Variants in KCNK12 observed in about 807,000 individuals in gnomAD.
The protein encoded by KCNK12 is potassium two pore domain channel subfamily K member 12, also known as potassium channel subfamily K member 12.
A neutral mutation model predicts 25.3 loss-of-function variants in KCNK12; 6 were observed. That is an observed-to-expected ratio of 0.24 (90% CI 0.13 to 0.47). KCNK12 has a LOEUF of 0.47. KCNK12 is among the 20% of genes least tolerant of loss of function. The pLI, the probability that KCNK12 is intolerant of heterozygous loss-of-function variation, is 0.99. For missense variants in KCNK12, 444 were observed against 661.7 expected (o/e 0.67, Z 3.61); for synonymous variants, 331 against 311.1 (o/e 1.06, Z -0.67).
In KCNK12 at chr2:47,512,603, C is replaced by T; in HGVS notation, c.*8304G>A. 1.4e-6 allele frequency: 1 copy of T among 725,758 alleles called. No homozygotes were observed. The highest frequency in any genetic ancestry group is 2.8e-5 in the East Asian group (1 of 36,116). 45.0% of individuals were successfully genotyped at this position (725,758 alleles called of 1,614,324 possible). ...TTCCAGGACTTACAGTGAGAAAGCG[C>T]CTTCTGGGAACTTCACAATGGCTAA... On this transcript the variant is annotated 3_prime_UTR_variant, in exon 2 of 2. Coordinates refer to ENST00000327876, the MANE Select transcript of KCNK12 (RefSeq NM_022055.2).
intron 1 of KCNK12, among the ~76,000 whole-genome samples, chr2:47,537,689 G>A (rs1010885363): frequency 1.3e-5 from 2 of 152,156 alleles, no homozygotes; most frequent in African/African-American, 4.8e-5. Flanking sequence ...TTTCTGTGGT[G>A]CAAATAGGAT....
In KCNK12 at chr2:47,538,896, T is replaced by G. The variant is rs1176543729; in HGVS notation, c.392-17088A>C. 6.6e-6 allele frequency among the ~76,000 whole-genome samples: 1 copy of G among 152,202 alleles called. No homozygotes were observed. Among genetic ancestry groups the G allele is most frequent in the Admixed American group, 6.5e-5 (1 of 15,284 alleles). ...AATGTGAGGGAGAAACATAAACTAG[T>G]AGTTTTACAAAAAGAAAAAGAAATA... On this transcript the variant is annotated intron_variant, in intron 1 of 1. Coordinates refer to ENST00000327876, the MANE Select transcript of KCNK12 (RefSeq NM_022055.2). The surrounding 1 kb of genome is among the most constrained non-coding windows in gnomAD (Gnocchi z 4.5).
rs1226280026 is a variant in KCNK12, at chr2:47,556,977, T to C, written c.391+12964A>G. 6.6e-6 allele frequency among the ~76,000 whole-genome samples: 1 copy of C among 152,068 alleles called. No homozygotes were observed. The highest frequency in any genetic ancestry group is 1.5e-5 in the Non-Finnish European group (1 of 68,012). On this transcript the variant is annotated intron_variant, in intron 1 of 1. Transcript: ENST00000327876. The surrounding 1 kb of genome is among the most constrained non-coding windows in gnomAD (Gnocchi z 4.8). ...GGGGTGGGATGGAAAGAAATATGGT[T>C]ATAGATGAGATGGTTAAGGAGCCCA...
chr2:47,539,696 G>C (rs35569589), intron 1 of KCNK12, among the ~76,000 whole-genome samples: 31,752 of 152,168 alleles, frequency 0.21, 3,764 homozygotes, highest in African/African-American at 0.31. Flanking sequence ...GTGCAGGAAA[G>C]AAGGGGGCAC....
At chr2:47,527,746 C>T (rs1287170581) in intron 1 of KCNK12, 5 of 152,310 alleles carry the variant, frequency 3.3e-5, no homozygotes, top group Non-Finnish European at 7.3e-5. Flanking sequence ...TCCCTCCTCA[C>T]AAGGGTGTGG....
intron 1 of KCNK12, chr2:47,567,080 A>G (rs1244112559): frequency 6.6e-6 from 1 of 152,250 alleles, no homozygotes; most frequent in East Asian, 1.9e-4. Context: ...GAATGGAAGG[A>G]AAGATTTCCA....
intron 1 of KCNK12, chr2:47,535,160 T>C: frequency 4.3e-6 from 1 of 231,936 alleles, no homozygotes; most frequent in Non-Finnish European, 8.5e-6. Flanking sequence ...GCCAGCCTGG[T>C]TGGCTGCTTC....
intron 1 of KCNK12, chr2:47,567,213 G>C (rs1409290882): frequency 6.6e-6 from 1 of 152,142 alleles, no homozygotes; most frequent in African/African-American, 2.4e-5. Flanking sequence ...GAATTCCACA[G>C]CACTGTATGA....
Position 47,521,586 on chromosome 2 carries a change from C to T in KCNK12, c.614G>A (p.Ser205Asn). 6.4e-7 allele frequency: 1 copy of T among 1,560,160 alleles called. No homozygotes were observed. Among genetic ancestry groups the T allele is most frequent in the Non-Finnish European group, 8.7e-7 (1 of 1,152,038 alleles). The change falls in exon 2 of 2, where the codon AGC (serine) becomes AAC (asparagine). Residue 205 changes from serine (S) to asparagine (N), a missense_variant. Coordinates refer to ENST00000327876, the MANE Select transcript of KCNK12 (RefSeq NM_022055.2). ...CACCGAGGGCTTCCAGCCCGCCAGG[C>T]TGTCGGCCTCCGAGAGCGCGGAGCC... ...RRGSALSEAD[S>N]LAGWKPSVYH...
At chr2:47,535,966 C>G (rs1669059461) in intron 1 of KCNK12, among the ~76,000 whole-genome samples, 1 of 152,176 alleles carries the variant, frequency 6.6e-6, no homozygotes, top group African/African-American at 2.4e-5. Flanking sequence ...GATTGCAACT[C>G]AGTTCTGCCC....
intron 1 of KCNK12, among the ~76,000 whole-genome samples, chr2:47,541,366 C>A (rs944548043): frequency 6.6e-6 from 1 of 152,164 alleles, no homozygotes; most frequent in Non-Finnish European, 1.5e-5. Flanking sequence ...CTTTTAGTCA[C>A]CAGCAATAGC....
intron 1 of KCNK12, among the ~76,000 whole-genome samples, chr2:47,553,200 T>G (rs746267357): frequency 2.0e-5 from 3 of 152,234 alleles, no homozygotes; most frequent in Non-Finnish European, 2.9e-5. Flanking sequence ...ATTCTGCTCT[T>G]TGTTTAAAGT....
rs117019912 is a variant in KCNK12, at chr2:47,569,717, C to G, written c.391+224G>C. 1.9e-3 allele frequency among the ~76,000 whole-genome samples: 296 copies of G among 152,156 alleles called. 6 individuals carry two copies. The East Asian group carries it at 0.051, about 26-fold the overall frequency. ...CGGCCAGTGTTGGAGCACAGGCGGC[C>G]CGGGGTGAGCGCCAGAGGTGGGCTT... is the stretch of plus-strand genomic sequence containing the variant. On this transcript the variant is annotated intron_variant, in intron 1 of 1. Transcript: ENST00000327876. This position sits in a 1 kb window ranked among gnomAD's most constrained non-coding sequence, Gnocchi z 4.1.
rs188221195 is a variant in KCNK12 at position 47,551,677 on chromosome 2, C to A, written c.391+18264G>T. 2.6e-5 allele frequency among the ~76,000 whole-genome samples: 4 copies of A among 152,332 alleles called. No individual in the cohort carries two copies. Among genetic ancestry groups the A allele is most frequent in the South Asian group, 2.1e-4 (1 of 4,828 alleles). On this transcript the variant is annotated intron_variant, in intron 1 of 1. Transcript: ENST00000327876. The surrounding 1 kb of genome is among the most constrained non-coding windows in gnomAD (Gnocchi z 5.3). ...AATCAGTATTACCCCCTACCCCACA[C>A]GGCACCATATTTTTCTGGAGCTCTC... is the stretch of plus-strand genomic sequence containing the variant.
chr2:47,536,404 A>T (rs1669067925), intron 1 of KCNK12, among the ~76,000 whole-genome samples: 1 of 152,198 alleles, frequency 6.6e-6, no homozygotes, highest in African/African-American at 2.4e-5. Context: ...ACCCTCCAGA[A>T]TGCAGGTCCT....
intron 1 of KCNK12, among the ~76,000 whole-genome samples, chr2:47,523,733 C>T (rs117765750): frequency 1.1e-4 from 16 of 152,292 alleles, no homozygotes; most frequent in African/African-American, 3.6e-4. Context: ...GATTCACTTA[C>T]TGCTTGGAGT....
At position 47,515,738 on chromosome 2, in the gene KCNK12, G is replaced by C. The variant is rs939794954; in HGVS notation, c.*5169C>G. Among the ~76,000 whole-genome samples, 1 of 152,120 alleles carries C rather than the reference G, an allele frequency of 6.6e-6. No homozygotes were observed. Among genetic ancestry groups the C allele is most frequent in the Non-Finnish European group, 1.5e-5 (1 of 68,008 alleles). On this transcript the variant is annotated 3_prime_UTR_variant, in exon 2 of 2. Transcript: ENST00000327876. ...GGAAAATTGAAGGAAAAGAAGGAGG[G>C]GGATGTGGAGGGGAGAGAAGGCCTC...
intron 1 of KCNK12, among the ~76,000 whole-genome samples, chr2:47,541,499 G>C (rs774447067): frequency 1.3e-5 from 2 of 152,158 alleles, no homozygotes; most frequent in Admixed American, 6.5e-5. Context: ...TCTGAAGGCA[G>C]GGAGATGGTC....
At position 47,525,945 on chromosome 2, in the gene KCNK12, A is replaced by G. The variant is rs542637017; in HGVS notation, c.392-4137T>C. Among the ~76,000 whole-genome samples, 1 of 152,310 alleles carries G rather than the reference A, an allele frequency of 6.6e-6. No homozygotes were observed. Among genetic ancestry groups the G allele is most frequent in the African/African-American group, 2.4e-5 (1 of 41,566 alleles). ...GCTCCAGTGATGTAAGATCACCCCC[A>G]TGCCCCATCCACTGCGGGTCCCCTG... On this transcript the variant is annotated intron_variant, in intron 1 of 1. Transcript: ENST00000327876. The surrounding 1 kb of genome is among the most constrained non-coding windows in gnomAD (Gnocchi z 4.1).
Sources: gnomAD v4.1 joint callset for allele counts (sites outside exome capture counted in the v4.1 genomes callset) on GRCh38, gnomAD v4.1.1 for gene constraint, Gnocchi (gnomAD v3.1) non-coding constraint, MANE v1.5 for transcripts, NCBI Gene and HGNC (gene_info 2026-07-23, HGNC 2026-07-21) for gene names.